The following UBE3C variants were observed in gnomAD, a reference collection of about 807,000 sequenced individuals.
UBE3C encodes ubiquitin-protein ligase E3C.
A neutral mutation model predicts 129.4 loss-of-function variants in UBE3C; 42 were observed. The observed-to-expected ratio is 0.32, with a 90% CI of 0.25 to 0.42. The LOEUF (loss-of-function observed/expected upper bound fraction) is 0.42. Ranked by LOEUF, UBE3C falls within the 10% of genes least tolerant of loss-of-function variation. The pLI is 1.00. For synonymous variants in UBE3C, 510 were observed against 492.4 expected, an observed-to-expected ratio of 1.04 and a Z score of -0.47; for missense variants, 1,049 against 1,319.1, an observed-to-expected ratio of 0.80 and a Z score of 3.17.
intron 17 of UBE3C, 31 bp downstream of exon 17, chr7:157,225,570 G>T (rs374222544): frequency 1.3e-6 from 2 of 1,526,136 alleles, no homozygotes; most frequent in East Asian, 2.4e-5. Flanking sequence ...GTATTATTTG[G>T]CAGGTGGAGG....
At chr7:157,142,435 A>G (rs78226408) in intron 1 of UBE3C, among the ~76,000 whole-genome samples, 2,024 of 152,362 alleles carry the variant, frequency 0.013, 19 homozygotes, top group Middle Eastern at 0.044. Flanking sequence ...TAAAAATTAA[A>G]TAACAATAGA....
Position 157,250,102 on chromosome 7 carries a change from G to C in UBE3C, c.2694+1522G>C, listed in dbSNP as rs75721940. On this transcript the variant is annotated intron_variant, in intron 19 of 22. Coordinates refer to ENST00000348165, the MANE Select transcript of UBE3C (RefSeq NM_014671.3). ...TGTGTGGTGAGAACAGGGGCAGGAAGTGGGGCTATCAGTTCCAGAGACTGG... is the reference window on the plus strand; with the variant it reads ...TGTGTGGTGAGAACAGGGGCAGGAACTGGGGCTATCAGTTCCAGAGACTGG... Among the ~76,000 whole-genome samples, 735 of 152,356 alleles carry C rather than the reference G, an allele frequency of 4.8e-3. 4 individuals are homozygous for C. Among genetic ancestry groups the C allele is most frequent in the African/African-American group, 0.017 (706 of 41,576 alleles).
At chr7:157,267,374 A>G (rs1037429034) in intron 22 of UBE3C, among the ~76,000 whole-genome samples, 10 of 152,208 alleles carry the variant, frequency 6.6e-5, no homozygotes, top group Non-Finnish European at 8.8e-5. Flanking sequence ...GTGAGCTGAG[A>G]TGGCGCCATT....
chr7:157,211,167 G>GGAGAGAGAGAGAGAGAGGGAGAGAGAGA (rs1809582193), intron 13 of UBE3C, among the ~76,000 whole-genome samples: 1 of 137,082 alleles, frequency 7.3e-6, no homozygotes, highest in Non-Finnish European at 1.5e-5. Context: ...CCATATGTCT[G>GGAGAGAGAGAGAGAGAGGGAGAGAGAGA]GAGAGAGAGA....
intron 10 of UBE3C, among the ~76,000 whole-genome samples, chr7:157,189,663 C>T (rs1009105249): frequency 6.6e-6 from 1 of 152,192 alleles, no homozygotes; most frequent in Non-Finnish European, 1.5e-5. Flanking sequence ...CTTCCTTTTC[C>T]TGACTCTTTC....
chr7:157,248,731 C>G (rs1024305308), intron 19 of UBE3C, 151 bp downstream of exon 19: 1 of 788,130 alleles, frequency 1.3e-6, no homozygotes, highest in African/African-American at 1.7e-5. Context: ...GCATATAGCT[C>G]CAAAGCACCT....
At chr7:157,193,580 A>G (rs529729616) in intron 10 of UBE3C, among the ~76,000 whole-genome samples, 90 of 152,302 alleles carry the variant, frequency 5.9e-4, no homozygotes, top group Non-Finnish European at 1.1e-3. Flanking sequence ...TTTTTAATCT[A>G]TCCCACTATG....
At chr7:157,183,383 C>T (rs59247346) in intron 8 of UBE3C, among the ~76,000 whole-genome samples, 26,021 of 152,116 alleles carry the variant, frequency 0.17, 2,475 homozygotes, top group East Asian at 0.36. Flanking sequence ...TCGAGGTGTG[C>T]GGGAATGGGG....
At chr7:157,231,051 C>T in intron 17 of UBE3C, 29 bp from the exon 18 acceptor site, 1 of 1,609,574 alleles carries the variant, frequency 6.2e-7, no homozygotes, top group East Asian at 2.2e-5. Context: ...AACATCTTTC[C>T]TCCTCACCCT....
chr7:157,216,587 A>G (rs1795580559), intron 13 of UBE3C, among the ~76,000 whole-genome samples: 1 of 152,050 alleles, frequency 6.6e-6, no homozygotes, highest in African/African-American at 2.4e-5. Flanking sequence ...GCTCCCGCCA[A>G]ATTTGTGTTT....
At chr7:157,234,760 TG>T (rs1415932452) in intron 18 of UBE3C, among the ~76,000 whole-genome samples, 1 of 152,202 alleles carries the variant, frequency 6.6e-6, no homozygotes, top group Non-Finnish European at 1.5e-5. Context: ...TTTCAGGTGT[TG>T]ATTTGATGTT....
intron 18 of UBE3C, among the ~76,000 whole-genome samples, chr7:157,246,520 GTT>G (rs1254372881): frequency 1.1e-4 from 16 of 152,304 alleles, no homozygotes; most frequent in African/African-American, 3.4e-4. Flanking sequence ...ACCCCATAAA[GTT>G]TTGTTTTGAT....
intron 1 of UBE3C, among the ~76,000 whole-genome samples, chr7:157,142,554 G>C (rs540268327): frequency 6.6e-6 from 1 of 152,184 alleles, no homozygotes; most frequent in Non-Finnish European, 1.5e-5. Context: ...AAGACGAGAA[G>C]GCATTCCAGG....
intron 11 of UBE3C, among the ~76,000 whole-genome samples, chr7:157,202,174 G>A (rs915430349): frequency 6.6e-6 from 1 of 152,190 alleles, no homozygotes; most frequent in Non-Finnish European, 1.5e-5. Flanking sequence ...CATTAGAACA[G>A]TGTAGAAGTT....
At chr7:157,169,177 A>G in intron 3 of UBE3C, 55 bp downstream of exon 3, 1 of 1,402,978 alleles carries the variant, frequency 7.1e-7, no homozygotes, top group Non-Finnish European at 1.0e-6. Context: ...CTTATTTTAA[A>G]TATGGTATCT....
intron 22 of UBE3C, among the ~76,000 whole-genome samples, chr7:157,260,162 C>G (rs967202209): frequency 2.5e-5 from 3 of 118,708 alleles, no homozygotes; most frequent in Non-Finnish European, 4.9e-5. Flanking sequence ...AGAACCAACT[C>G]TGTTTACCAG....
intron 14 of UBE3C, 132 bp downstream of exon 14, chr7:157,217,103 C>G (rs180790772): frequency 6.0e-6 from 4 of 661,624 alleles, no homozygotes; most frequent in African/African-American, 3.7e-5. Flanking sequence ...AATGATAAAC[C>G]TTATTACTAA....
chr7:157,208,080 T>G (rs1249465783), intron 13 of UBE3C, 145 bp downstream of exon 13: 1 of 429,034 alleles, frequency 2.3e-6, no homozygotes, highest in East Asian at 3.8e-5. Context: ...TTTTTTTTTT[T>G]TTTTTTTTTT....
intron 22 of UBE3C, among the ~76,000 whole-genome samples, chr7:157,266,501 C>T (rs1391513306): frequency 6.6e-6 from 1 of 152,114 alleles, no homozygotes; most frequent in African/African-American, 2.4e-5. Context: ...TGAGTCATCT[C>T]CCCACAATGC....
Sources: allele counts gnomAD v4.1 joint callset (sites outside exome capture counted in the v4.1 genomes callset), GRCh38; gene constraint gnomAD v4.1.1; transcripts MANE v1.5; gene names NCBI Gene and HGNC (gene_info 2026-07-23, HGNC 2026-07-21).